Variants in CCDC57 observed in about 807,000 individuals in gnomAD.
The protein encoded by CCDC57 is coiled-coil domain containing 57, also known as coiled-coil domain-containing protein 57.
Under a neutral mutation model 118.9 loss-of-function variants are expected in CCDC57, and 118 were observed. The ratio of observed to expected loss-of-function variants is 0.99; its 90% confidence interval spans 0.86 to 1.16. The LOEUF (loss-of-function observed/expected upper bound fraction) is 1.16, where lower values mean the gene tolerates loss of function less well. Ranked by LOEUF, CCDC57 falls within the 50% of genes most tolerant of loss-of-function variation. CCDC57 has a pLI of 0.00. For missense variants in CCDC57, 1,300 were observed against 1,320.7 expected (o/e 0.98, Z 0.24); for synonymous variants, 527 against 532.9 (o/e 0.99, Z 0.15).
chr17:82,194,773 G>T (rs564736644), intron 5 of CCDC57, among the ~76,000 whole-genome samples: 2 of 152,350 alleles, frequency 1.3e-5, no homozygotes, highest in Non-Finnish European at 2.9e-5. Context: ...CAGGGGTCTA[G>T]GAAGGGGCTC....
rs1427936322 is a variant in CCDC57 at position 82,118,723 on chromosome 17, C to T, written c.2899+8969G>A. Among the ~76,000 whole-genome samples, 6 of 152,188 alleles carry T rather than the reference C, an allele frequency of 3.9e-5. No homozygotes were observed. Among genetic ancestry groups the T allele is most frequent in the Non-Finnish European group, 1.5e-5 (1 of 68,034 alleles). On this transcript the variant is annotated intron_variant, in intron 19 of 19. Coordinates refer to ENST00000665763, the Ensembl canonical transcript of CCDC57. The surrounding 1 kb of genome is among the most constrained non-coding windows in gnomAD (Gnocchi z 4.7). ...GAGCTTCCGTCCGCACTGGGTGCCA[C>T]TCAGTCTGCCGCGCTTTTTATGTAC...
At chr17:82,197,331 A>G (rs2048443140) in intron 4 of CCDC57, among the ~76,000 whole-genome samples, 1 of 152,250 alleles carries the variant, frequency 6.6e-6, no homozygotes, top group Non-Finnish European at 1.5e-5. Context: ...GCCCCTTGTC[A>G]CATATGCACA....
chr17:82,193,782 C>T (rs778202899), exon 7 of CCDC57: 1 of 1,601,442 alleles, frequency 6.2e-7, no homozygotes, highest in South Asian at 1.1e-5. Flanking sequence ...CCTCTTCCTT[C>T]TTCCTGGTTA....
chr17:82,197,918 C>T (rs2048507581), intron 4 of CCDC57, among the ~76,000 whole-genome samples: 1 of 150,062 alleles, frequency 6.7e-6, no homozygotes, highest in African/African-American at 2.5e-5. Context: ...GCCTTTGCCC[C>T]TGGGCTGAAT....
chr17:82,110,324 GA>G (rs370974545), intron 19 of CCDC57, among the ~76,000 whole-genome samples: 2 of 151,782 alleles, frequency 1.3e-5, no homozygotes, highest in South Asian at 2.1e-4. Flanking sequence ...GCAGAAAAAA[GA>G]AAAAAATAAA....
At chr17:82,194,188 C>T in intron 5 of CCDC57, 49 bp from the exon 5 acceptor site, 1 of 1,581,660 alleles carries the variant, frequency 6.3e-7, no homozygotes, top group South Asian at 1.1e-5. Context: ...TTAGAAGACA[C>T]TGAGGCATTA....
chr17:82,193,040 G>C (rs928981005), intron 7 of CCDC57, among the ~76,000 whole-genome samples: 28 of 152,148 alleles, frequency 1.8e-4, no homozygotes, highest in Non-Finnish European at 7.4e-5. Flanking sequence ...GCCCAGCCAG[G>C]TGTTAAAAAT....
intron 16 of CCDC57, among the ~76,000 whole-genome samples, chr17:82,148,174 G>A (rs1250583581): frequency 3.7e-5 from 5 of 134,910 alleles, no homozygotes; most frequent in Non-Finnish European, 6.4e-5. Flanking sequence ...TGGATGAATA[G>A]ATAGGTGGGT....
At chr17:82,188,674 G>A (rs2047282039) in intron 7 of CCDC57, among the ~76,000 whole-genome samples, 2 of 152,256 alleles carry the variant, frequency 1.3e-5, no homozygotes, top group African/African-American at 2.4e-5. Flanking sequence ...CCAAAAGGAG[G>A]TGCATAGAGC....
intron 15 of CCDC57, chr17:82,153,329 A>G (rs6502067): frequency 0.47 from 71,203 of 152,160 alleles, 17,481 homozygotes; most frequent in East Asian, 0.88. Flanking sequence ...TTTTAACTGA[A>G]GAAAGAACAA....
At chr17:82,170,367 G>C (rs1169775730) in intron 13 of CCDC57, among the ~76,000 whole-genome samples, 3 of 152,022 alleles carry the variant, frequency 2.0e-5, no homozygotes. Context: ...AATTAGCCGG[G>C]CGTGGTGGCA....
intron 19 of CCDC57, among the ~76,000 whole-genome samples, chr17:82,119,213 G>A (rs1159877557): frequency 2.6e-5 from 4 of 151,964 alleles, no homozygotes; most frequent in Admixed American, 2.6e-4. Context: ...TGCTGCCTTT[G>A]TATATTTAAT....
intron 15 of CCDC57, chr17:82,157,437 C>A (rs2042808485): frequency 7.4e-7 from 1 of 1,353,542 alleles, no homozygotes; most frequent in Admixed American, 3.5e-5. Context: ...ACATGAGCCA[C>A]CTTCAGTGTG....
At chr17:82,204,217 G>T (rs1398882654) in intron 2 of CCDC57, among the ~76,000 whole-genome samples, 1 of 152,158 alleles carries the variant, frequency 6.6e-6, no homozygotes, top group African/African-American at 2.4e-5. Context: ...GACCACCTCA[G>T]CCTGGCTCCT....
chr17:82,183,422 C>T (rs1269055245), intron 9 of CCDC57, among the ~76,000 whole-genome samples: 1 of 151,994 alleles, frequency 6.6e-6, no homozygotes, highest in Non-Finnish European at 1.5e-5. Context: ...TGGGTTCCAG[C>T]AATCCTCCTG....
At position 82,201,068 on chromosome 17, in the gene CCDC57, T is replaced by C. The variant is rs76625961; in HGVS notation, c.407+470A>G. Among the ~76,000 whole-genome samples, 37 of 152,272 alleles carry C rather than the reference T, an allele frequency of 2.4e-4. 1 individual carries two copies. In the East Asian group the frequency reaches 6.2e-3, roughly 25 times the overall value. On this transcript the variant is annotated intron_variant, in intron 3 of 19. Coordinates refer to ENST00000665763, the Ensembl canonical transcript of CCDC57. Reference sequence around the variant, plus strand: ...CACAGCATGGCTGGGTGAGTGGAGCTGAGGGGATACCAGGCATGTGGTTGA... The same window carrying C: ...CACAGCATGGCTGGGTGAGTGGAGCCGAGGGGATACCAGGCATGTGGTTGA...
chr17:82,153,887 C>G (rs1363594468), intron 15 of CCDC57: 1 of 152,378 alleles, frequency 6.6e-6, no homozygotes, highest in African/African-American at 2.4e-5. Flanking sequence ...AATGTCTTCA[C>G]GTCCTGAGGA....
chr17:82,127,764 G>A lies in CCDC57; in HGVS notation c.2827C>T (p.Gln943Ter), dbSNP rs2037686244. ...AGGTCTAGCAACCTCCACATGTCCT[G>A]GAGGGTGCCACTGGCAAAGGAGGAG... is the stretch of plus-strand genomic sequence containing the variant. The change falls in exon 19 of 20, where the codon CAG (glutamine) becomes TAG (stop). Residue 943 changes from glutamine (Q) to a stop codon, truncating the protein, a stop_gained. Transcript: ENST00000665763. LOFTEE classifies it high-confidence loss of function. The A allele has an allele frequency of 6.2e-7, 1 of 1,613,068 alleles. No homozygotes were observed. The highest frequency in any genetic ancestry group is 2.2e-5 in the East Asian group (1 of 44,868).
At chr17:82,143,638 T>G (rs1446487696) in intron 16 of CCDC57, among the ~76,000 whole-genome samples, 1 of 151,364 alleles carries the variant, frequency 6.6e-6, no homozygotes, top group Non-Finnish European at 1.5e-5. Context: ...AAACAATGAC[T>G]GAGAATTTTA....
Sources: gnomAD v4.1 joint callset for allele counts (sites outside exome capture counted in the v4.1 genomes callset) on GRCh38, gnomAD v4.1.1 for gene constraint, Gnocchi (gnomAD v3.1) non-coding constraint, MANE v1.5 for transcripts, NCBI Gene and HGNC (gene_info 2026-07-23, HGNC 2026-07-21) for gene names.